Variants in RALGAPB observed in about 807,000 individuals in gnomAD.
RALGAPB encodes the protein ral GTPase-activating protein subunit beta.
In RALGAPB, 25 loss-of-function variants were observed where a neutral mutation model predicts 161.1. That is an observed-to-expected ratio of 0.16 (90% CI 0.11 to 0.22). RALGAPB has a LOEUF of 0.22. Among genes scored for constraint, RALGAPB ranks in the 10% least tolerant of loss-of-function variants. RALGAPB has a pLI of 1.00. For missense variants in RALGAPB, 1,391 were observed against 1,815.2 expected (o/e 0.77, Z 4.25); for synonymous variants, 629 against 626.1 (o/e 1.00, Z -0.07).
chr20:38,574,679 T>G, intron 29 of RALGAPB, 95 bp from the exon 30 acceptor site: 1 of 1,238,294 alleles, frequency 8.1e-7, no homozygotes, highest in South Asian at 1.3e-5. Context: ...TGAAATAGTT[T>G]TGAGTATGCG....
At chr20:38,574,084 C>A in intron 28 of RALGAPB, 66 bp from the exon 29 acceptor site, 1 of 1,486,624 alleles carries the variant, frequency 6.7e-7, no homozygotes, top group Non-Finnish European at 9.1e-7. Flanking sequence ...TGGGGGACTT[C>A]AACTCTTGGG....
rs998377638 is a variant in RALGAPB at position 38,574,945 on chromosome 20, G to T, written c.4463G>T (p.Gly1488Val). 2 of 1,613,138 alleles carry T rather than the reference G, an allele frequency of 1.2e-6. No individual in the cohort carries two copies. Among genetic ancestry groups the T allele is most frequent in the Non-Finnish European group, 1.7e-6 (2 of 1,179,224 alleles). ...EFYTSLFQEV[G>V]LKNCSS ...TATACTTCACTTTTCCAGGAGGTTG[G>T]ACTCAAGAACTGCAGTTCTTAGACC... The change falls in exon 30 of 30, where the codon GGA becomes GTA. Residue 1488 changes from glycine (G) to valine (V), a missense_variant. Gly to Val is a moderately radical substitution (Grantham distance 109). Around this residue, in one of 3 missense-constraint regions of RALGAPB, gnomAD observed 436 missense variants for 527.0 expected, o/e 0.83. Transcript: ENST00000262879.
chr20:38,548,856 A>T, intron 20 of RALGAPB, 61 bp downstream of exon 20: 1 of 1,348,066 alleles, frequency 7.4e-7, no homozygotes. Context: ...GTTAGGTAAC[A>T]TTCCAACAGA....
At chr20:38,520,993 T>A (rs2086273010) in intron 9 of RALGAPB, among the ~76,000 whole-genome samples, 1 of 152,090 alleles carries the variant, frequency 6.6e-6, no homozygotes. Context: ...GAATGCTCTC[T>A]TTTTCTCCCT....
At chr20:38,569,643 T>G (rs182034694) in intron 26 of RALGAPB, 93 of 432,866 alleles carry the variant, frequency 2.1e-4, no homozygotes, top group African/African-American at 1.5e-3. Context: ...CAAATTATAA[T>G]TATTCAGTAT....
intron 1 of RALGAPB, 47 bp from the exon 2 acceptor site, chr20:38,488,356 A>G: frequency 8.2e-7 from 1 of 1,224,396 alleles, no homozygotes; most frequent in Non-Finnish European, 1.2e-6. Context: ...ATTTCTGTTA[A>G]TTTCCAATAG....
At chr20:38,551,348 T>C in intron 21 of RALGAPB, 125 bp downstream of exon 21, 1 of 1,093,738 alleles carries the variant, frequency 9.1e-7, no homozygotes, top group Non-Finnish European at 1.3e-6. Flanking sequence ...GCCTCCATCA[T>C]CCAGGAGGTT....
chr20:38,536,122 T>C (rs1405118740), intron 16 of RALGAPB, among the ~76,000 whole-genome samples: 1 of 152,216 alleles, frequency 6.6e-6, no homozygotes, highest in Non-Finnish European at 1.5e-5. Flanking sequence ...CCCATACCCA[T>C]GAAGCAGTTT....
chr20:38,493,193 T>TA (rs1300130652), intron 3 of RALGAPB, 61 bp downstream of exon 3: 2 of 1,346,094 alleles, frequency 1.5e-6, no homozygotes, highest in Non-Finnish European at 2.1e-6. Flanking sequence ...TCATAAACGT[T>TA]ACTATAGTAT....
At chr20:38,563,029 C>G (rs2087843763) in intron 24 of RALGAPB, among the ~76,000 whole-genome samples, 1 of 152,206 alleles carries the variant, frequency 6.6e-6, no homozygotes, top group African/African-American at 2.4e-5. Flanking sequence ...CATGCCACAG[C>G]ATTCCAGCCT....
chr20:38,531,842 C>T (rs1378737576), intron 14 of RALGAPB, among the ~76,000 whole-genome samples: 2 of 151,988 alleles, frequency 1.3e-5, no homozygotes, highest in Non-Finnish European at 2.9e-5. Flanking sequence ...AAATTACATT[C>T]GTGTCTCAGT....
intron 2 of RALGAPB, among the ~76,000 whole-genome samples, chr20:38,492,052 G>A (rs1051442147): frequency 6.6e-6 from 1 of 152,182 alleles, no homozygotes; most frequent in Non-Finnish European, 1.5e-5. Flanking sequence ...ATATAGCTCA[G>A]ATGATGGTAG....
intron 1 of RALGAPB, among the ~76,000 whole-genome samples, chr20:38,474,684 T>C (rs1451142374): frequency 1.3e-5 from 2 of 152,200 alleles, no homozygotes; most frequent in East Asian, 3.8e-4. Context: ...CAATTTGCTC[T>C]TTAGGAACAT....
At chr20:38,508,992 C>G (rs1416005307) in intron 5 of RALGAPB, 85 bp from the exon 6 acceptor site, 1 of 1,436,440 alleles carries the variant, frequency 7.0e-7, no homozygotes, top group Non-Finnish European at 9.6e-7. Context: ...CATGTTTCAT[C>G]CATTTTCTCT....
At chr20:38,491,752 T>C (rs1028018138) in intron 2 of RALGAPB, among the ~76,000 whole-genome samples, 1 of 152,236 alleles carries the variant, frequency 6.6e-6, no homozygotes, top group African/African-American at 2.4e-5. Flanking sequence ...GTTATTGTGA[T>C]GGCTAGATGA....
chr20:38,566,945 C>T, intron 25 of RALGAPB, 151 bp from the exon 26 acceptor site: 1 of 1,368,732 alleles, frequency 7.3e-7, no homozygotes, highest in South Asian at 1.8e-5. Flanking sequence ...AGTACTTGAT[C>T]CTTTACAGAA....
intron 20 of RALGAPB, among the ~76,000 whole-genome samples, chr20:38,549,448 CA>C (rs1459971903): frequency 2.6e-5 from 4 of 150,988 alleles, no homozygotes; most frequent in Non-Finnish European, 5.9e-5. Flanking sequence ...AGGCTGATCC[CA>C]AACTTCTGTC....
At chr20:38,571,801 C>T (rs545830199) in intron 28 of RALGAPB, among the ~76,000 whole-genome samples, 6 of 152,144 alleles carry the variant, frequency 3.9e-5, no homozygotes, top group Non-Finnish European at 8.8e-5. Context: ...AGTGGCTGTA[C>T]CAGTTTACAT....
chr20:38,522,829 A>C (rs1173125755), intron 10 of RALGAPB, among the ~76,000 whole-genome samples: 1 of 152,190 alleles, frequency 6.6e-6, no homozygotes, highest in Non-Finnish European at 1.5e-5. Context: ...ATATTTATTA[A>C]ATTCTAAGGT....
Sources: gnomAD v4.1 joint callset for allele counts (sites outside exome capture counted in the v4.1 genomes callset) on GRCh38, gnomAD v4.1.1 for gene constraint, gnomAD v4.1.1 regional missense constraint, MANE v1.5 for transcripts, NCBI Gene and HGNC (gene_info 2026-07-23, HGNC 2026-07-21) for gene names.